The following GABRR2 variants were observed in gnomAD, a reference collection of about 807,000 sequenced individuals.
GABRR2 encodes gamma-aminobutyric acid receptor subunit rho-2.
GABRR2 carries 36 observed loss-of-function variants against 47.0 expected under a neutral mutation model. The ratio of observed to expected loss-of-function variants is 0.77; its 90% CI spans 0.59 to 1.01. GABRR2 has a LOEUF of 1.01. Ranked by LOEUF, GABRR2 falls within the 50% of genes least tolerant of loss-of-function variation. The probability of loss-of-function intolerance (pLI) is 0.00; values close to 1 mark genes in which losing one functional copy is unlikely to be tolerated. For synonymous variants in GABRR2, 204 were observed against 227.5 expected (o/e 0.90, Z 0.93); for missense variants, 587 against 594.6 (o/e 0.99, Z 0.13).
chr6:89,255,686 G>T lies in GABRR2; in HGVS notation c.*1984C>A, dbSNP rs1773586612. 6.6e-6 allele frequency among the ~76,000 whole-genome samples: 1 copy of T among 152,032 alleles called. No individual in the cohort carries two copies. The highest frequency in any genetic ancestry group is 6.6e-5 in the Admixed American group (1 of 15,248). On this transcript the variant is annotated 3_prime_UTR_variant, in exon 9 of 9. Coordinates refer to ENST00000402938, the MANE Select transcript of GABRR2 (RefSeq NM_002043.5). Reference sequence around the variant, plus strand: ...TCACAGCCTAGGATCCTGCCAAAATGAATGACTTGCCCACAAACCCTGTTC... The same window carrying T: ...TCACAGCCTAGGATCCTGCCAAAATTAATGACTTGCCCACAAACCCTGTTC...
intron 2 of GABRR2, among the ~76,000 whole-genome samples, chr6:89,284,437 G>A (rs1032465503): frequency 1.3e-5 from 2 of 152,286 alleles, no homozygotes; most frequent in South Asian, 2.1e-4. Flanking sequence ...TTAAGGTAGC[G>A]AATCAGCTGA....
chr6:89,301,861 G>A (rs1330141873), intron 1 of GABRR2: 29 of 1,143,936 alleles, frequency 2.5e-5, no homozygotes, highest in Non-Finnish European at 1.5e-5. Flanking sequence ...CATCAGTGAT[G>A]AGCATGGCAT....
intron 2 of GABRR2, among the ~76,000 whole-genome samples, chr6:89,295,210 C>CG: frequency 6.6e-6 from 1 of 152,306 alleles, no homozygotes; most frequent in East Asian, 1.9e-4. Context: ...CTTGAGGAAT[C>CG]GCCACACTAT....
Position 89,267,735 on chromosome 6 carries a change from T to C in GABRR2, c.680A>G (p.Gln227Arg). The C allele has an allele frequency of 6.2e-7, 1 of 1,613,960 alleles. No individual in the cohort carries two copies. The highest frequency in any genetic ancestry group is 2.2e-5 in the East Asian group (1 of 44,886). Residue 227 changes from glutamine to arginine, a missense_variant, in exon 6 of 9, where the codon CAG (glutamine) becomes CGG (arginine). Physicochemically the swap from Gln to Arg is conservative, Grantham distance 43 (BLOSUM62 1). Coordinates refer to ENST00000402938, the MANE Select transcript of GABRR2 (RefSeq NM_002043.5). Reference sequence around the variant, plus strand: ...TGTGTGAAATTTCTGAATCAGAAACTGAGACAAGGAGATCTTCTCATCTGT... The same window carrying C: ...TGTGTGAAATTTCTGAATCAGAAACCGAGACAAGGAGATCTTCTCATCTGT... Reference protein sequence around the residue: ...LKTDEKISLSQFLIQKFHTTS... With the variant: ...LKTDEKISLSRFLIQKFHTTS...
At chr6:89,294,074 TA>T (rs1774514761) in intron 2 of GABRR2, among the ~76,000 whole-genome samples, 1 of 152,240 alleles carries the variant, frequency 6.6e-6, no homozygotes, top group South Asian at 2.1e-4. Flanking sequence ...ATATTTTGTT[TA>T]AAAAATTGGT....
intron 2 of GABRR2, among the ~76,000 whole-genome samples, chr6:89,294,895 G>GT (rs1562381724): frequency 6.7e-6 from 1 of 149,938 alleles, no homozygotes; most frequent in Admixed American, 6.7e-5. Context: ...GTGGTGTTTG[G>GT]TTTTTTGTCC....
chr6:89,291,757 T>C (rs965078546), intron 2 of GABRR2, among the ~76,000 whole-genome samples: 1 of 152,230 alleles, frequency 6.6e-6, no homozygotes, highest in African/African-American at 2.4e-5. Context: ...TAATCATTTA[T>C]CTGTTTCCCC....
chr6:89,286,990 C>A (rs1418082038), intron 2 of GABRR2, among the ~76,000 whole-genome samples: 1 of 152,198 alleles, frequency 6.6e-6, no homozygotes, highest in Admixed American at 6.5e-5. Context: ...GAAGCACTAA[C>A]CTCACCCAGT....
chr6:89,305,639 C>A (rs943953256), intron 1 of GABRR2, among the ~76,000 whole-genome samples: 5 of 152,038 alleles, frequency 3.3e-5, no homozygotes, highest in Admixed American at 6.5e-5. Context: ...CACACACACA[C>A]AAAAAGCATG....
chr6:89,299,005 C>T (rs991561027), intron 2 of GABRR2, among the ~76,000 whole-genome samples: 1 of 152,148 alleles, frequency 6.6e-6, no homozygotes, highest in Non-Finnish European at 1.5e-5. Flanking sequence ...TACTTCCGGC[C>T]CCTGGAAACA....
chr6:89,262,559 T>G (rs974210080), intron 8 of GABRR2, among the ~76,000 whole-genome samples: 20 of 152,214 alleles, frequency 1.3e-4, no homozygotes, highest in African/African-American at 4.8e-4. Flanking sequence ...TATAAATTTC[T>G]GATTTTTTTA....
intron 1 of GABRR2, chr6:89,302,822 G>T: frequency 7.1e-7 from 1 of 1,415,218 alleles, no homozygotes; most frequent in Non-Finnish European, 9.8e-7. Flanking sequence ...AGGTGGACGT[G>T]TGTGACATCC....
intron 2 of GABRR2, among the ~76,000 whole-genome samples, chr6:89,277,708 G>A (rs951496135): frequency 3.3e-5 from 5 of 151,598 alleles, no homozygotes; most frequent in African/African-American, 4.8e-5. Flanking sequence ...TAAACATCTG[G>A]AAAGGTGCTC....
At chr6:89,300,782 A>G (rs4707537) in intron 1 of GABRR2, among the ~76,000 whole-genome samples, 82,658 of 141,318 alleles carry the variant, frequency 0.58, 24,727 homozygotes, top group Admixed American at 0.68. Context: ...AGGACCTGAT[A>G]TATTCACAGC....
chr6:89,287,439 A>G (rs1774351633), intron 2 of GABRR2, among the ~76,000 whole-genome samples: 1 of 152,258 alleles, frequency 6.6e-6, no homozygotes, highest in South Asian at 2.1e-4. Flanking sequence ...CCTCAGAGCC[A>G]GGAGCTGTGT....
chr6:89,282,943 G>A (rs1018151221), intron 2 of GABRR2, among the ~76,000 whole-genome samples: 2 of 152,198 alleles, frequency 1.3e-5, no homozygotes, highest in African/African-American at 2.4e-5. Context: ...CTACGGTGCC[G>A]ACTCCATCCT....
At chr6:89,309,424 G>A (rs1767639155) in intron 1 of GABRR2, among the ~76,000 whole-genome samples, 1 of 151,914 alleles carries the variant, frequency 6.6e-6, no homozygotes, top group African/African-American at 2.4e-5. Flanking sequence ...ATTCAAACTG[G>A]ATTCTAGGCT....
At chr6:89,280,212 ATATATAT>A (rs1774231643) in intron 2 of GABRR2, among the ~76,000 whole-genome samples, 1 of 3,336 alleles carries the variant, frequency 3.0e-4, no homozygotes. Context: ...CTAAAAACAA[ATATATAT>A]ATATATATAT....
Position 89,257,857 on chromosome 6 carries a change from T to C in GABRR2, c.1211A>G (p.Gln404Arg). 3 of 1,614,082 alleles carry C rather than the reference T, an allele frequency of 1.9e-6. No homozygotes were observed. In the South Asian group the frequency reaches 3.3e-5, roughly 18 times the overall value. ...GCCCAGGTGGACCACTATTTTGTCT[T>C]GCCTTTCTTCTTCTGTCAGGATATG... is the stretch of plus-strand genomic sequence containing the variant. ...RSHILTEEERQDKIVVHLGLS... is the reference protein window; with the variant it reads ...RSHILTEEERRDKIVVHLGLS... Residue 404 changes from glutamine to arginine, a missense_variant, in exon 9 of 9, where the codon CAA (glutamine) becomes CGA (arginine). Physicochemically the swap from Gln to Arg is conservative, Grantham distance 43. Coordinates refer to ENST00000402938, the MANE Select transcript of GABRR2 (RefSeq NM_002043.5).
Sources: gnomAD v4.1 joint callset for allele counts (sites outside exome capture counted in the v4.1 genomes callset) on GRCh38, gnomAD v4.1.1 for gene constraint, MANE v1.5 for transcripts, NCBI Gene and HGNC (gene_info 2026-07-23, HGNC 2026-07-21) for gene names.